The following PDE6C variants were observed in gnomAD, a reference collection of about 807,000 sequenced individuals.
PDE6C encodes phosphodiesterase 6C, also known as cone cGMP-specific 3',5'-cyclic phosphodiesterase subunit alpha'.
Under a neutral mutation model 113.1 loss-of-function variants are expected in PDE6C, and 75 were observed. The observed-to-expected ratio is 0.66, with a 90% CI of 0.55 to 0.80. PDE6C has a LOEUF of 0.80. Ranked by LOEUF, PDE6C falls within the 30% of genes least tolerant of loss-of-function variation. The probability of loss-of-function intolerance (pLI) is 0.00; values close to 1 mark genes in which losing one functional copy is unlikely to be tolerated. For synonymous variants in PDE6C, 375 were observed against 363.7 expected (o/e 1.03, Z -0.35); for missense variants, 912 against 1,038.6 (o/e 0.88, Z 1.67).
rs1260039852 is a variant in PDE6C, at chr10:93,629,311, T to C, written c.1119+6T>C. 14 of 1,604,564 alleles carry C rather than the reference T, an allele frequency of 8.7e-6. No individual in the cohort carries two copies. Among genetic ancestry groups the C allele is most frequent in the Non-Finnish European group, 8.5e-7 (1 of 1,171,454 alleles). On this transcript the variant is annotated splice_donor_region_variant and intron_variant, in intron 8 of 21. Coordinates refer to ENST00000371447, the MANE Select transcript of PDE6C (RefSeq NM_006204.4). Reference sequence around the variant, plus strand: ...ATGAATACTTCACATTTCAGGTAACTGCACTCTGGGTCAGACCTCACCTCT... The same window carrying C: ...ATGAATACTTCACATTTCAGGTAACCGCACTCTGGGTCAGACCTCACCTCT...
chr10:93,639,550 A>G (rs923562238), intron 11 of PDE6C, among the ~76,000 whole-genome samples: 2 of 152,212 alleles, frequency 1.3e-5, no homozygotes, highest in African/African-American at 2.4e-5. Flanking sequence ...GAGCACCTTC[A>G]TGGGACAGGA....
At chr10:93,644,162 T>C (rs910517406) in intron 14 of PDE6C, among the ~76,000 whole-genome samples, 1 of 152,212 alleles carries the variant, frequency 6.6e-6, no homozygotes, top group Non-Finnish European at 1.5e-5. Context: ...GATGATGCTG[T>C]GTCCTTCTCA....
chr10:93,665,230 C>T, intron 21 of PDE6C, 130 bp from the exon 22 acceptor site: 1 of 776,810 alleles, frequency 1.3e-6, no homozygotes, highest in Non-Finnish European at 2.3e-6. Flanking sequence ...CATGGTCAAA[C>T]CCACAGTACT....
At chr10:93,658,834 G>A (rs1352547242) in intron 16 of PDE6C, 67 bp from the exon 17 acceptor site, 12 of 940,112 alleles carry the variant, frequency 1.3e-5, no homozygotes, top group Non-Finnish European at 2.1e-5. Context: ...TGAAAAGCAT[G>A]TATTTAAGAT....
chr10:93,613,451 A>G (rs1195648707), intron 1 of PDE6C, among the ~76,000 whole-genome samples: 1 of 152,224 alleles, frequency 6.6e-6, no homozygotes, highest in Non-Finnish European at 1.5e-5. Context: ...AGTATGTCCC[A>G]TGTAAAGTTT....
chr10:93,633,719 G>C (rs1390947300), intron 8 of PDE6C, among the ~76,000 whole-genome samples: 1 of 152,102 alleles, frequency 6.6e-6, no homozygotes, highest in African/African-American at 2.4e-5. Flanking sequence ...CTATCTTCAT[G>C]GATCAGTCAG....
rs1430794896 is a variant in PDE6C, at chr10:93,620,773, C to G, written c.622C>G (p.Gln208Glu). Residue 208 changes from glutamine to glutamate, a missense_variant, in exon 2 of 22, where the codon CAG becomes GAG. Gln to Glu is a conservative substitution (Grantham distance 29, BLOSUM62 2). Coordinates refer to ENST00000371447, the MANE Select transcript of PDE6C (RefSeq NM_006204.4). ...AGTAAATGCATCTGAATTTTCCAAA[C>G]AGGATGAAGAGGTAATGCTAACCCT... is the stretch of plus-strand genomic sequence containing the variant. ...NKVNASEFSK[Q>E]DEEVFSKYLN... is the part of the protein sequence containing the mutation. 1 of 1,614,028 alleles carries G rather than the reference C, an allele frequency of 6.2e-7. No individual in the cohort carries two copies. Among genetic ancestry groups the G allele is most frequent in the Non-Finnish European group, 8.5e-7 (1 of 1,180,036 alleles).
At chr10:93,646,126 G>T (rs890900024) in intron 15 of PDE6C, 79 bp downstream of exon 15, 13 of 869,160 alleles carry the variant, frequency 1.5e-5, no homozygotes, top group Middle Eastern at 2.2e-4. Flanking sequence ...CTTGGAAAAA[G>T]GGTGGCCTTG....
chr10:93,642,809 C>T (rs1266565901), intron 14 of PDE6C, among the ~76,000 whole-genome samples: 1 of 152,200 alleles, frequency 6.6e-6, no homozygotes, highest in Non-Finnish European at 1.5e-5. Context: ...GCGAAAAGCA[C>T]TTTGTAAGCA....
At chr10:93,629,579 T>C (rs1252081040) in intron 8 of PDE6C, among the ~76,000 whole-genome samples, 3 of 152,214 alleles carry the variant, frequency 2.0e-5, no homozygotes, top group Admixed American at 6.5e-5. Context: ...CCCAACCTTT[T>C]TGGCACCAGG....
In PDE6C at chr10:93,630,442, C is replaced by T. The variant is rs183174011; in HGVS notation, c.1119+1137C>T. Among the ~76,000 whole-genome samples the T allele has an allele frequency of 3.3e-5, 5 of 151,454 alleles. No homozygotes were observed. The East Asian group carries it at 9.8e-4, about 30-fold the overall frequency. On this transcript the variant is annotated intron_variant, in intron 8 of 21. Transcript: ENST00000371447. ...GCCACTCCCTTCTCTACCTGCCCAT[C>T]CCTCCTCACCTGTCATCTCTGCCAC... is the stretch of plus-strand genomic sequence containing the variant.
chr10:93,624,194 C>T (rs946767395), intron 4 of PDE6C, among the ~76,000 whole-genome samples: 1 of 151,984 alleles, frequency 6.6e-6, no homozygotes, highest in African/African-American at 2.4e-5. Context: ...TCTGTTGCTA[C>T]CCTTCTAGTT....
intron 8 of PDE6C, among the ~76,000 whole-genome samples, chr10:93,633,214 C>T (rs1313325449): frequency 1.3e-5 from 2 of 152,232 alleles, no homozygotes; most frequent in East Asian, 1.9e-4. Context: ...GCCTGTAATC[C>T]CAGCAGTTTG....
At chr10:93,644,901 G>GTATATTTATATAGTATATATAGTA (rs2058577106) in intron 14 of PDE6C, among the ~76,000 whole-genome samples, 2 of 145,404 alleles carry the variant, frequency 1.4e-5, no homozygotes, top group Non-Finnish European at 3.0e-5. Context: ...AGTATATATA[G>GTATATTTATATAGTATATATAGTA]TATATATACA....
chr10:93,626,114 C>T (rs2058471961), intron 5 of PDE6C, among the ~76,000 whole-genome samples: 1 of 152,102 alleles, frequency 6.6e-6, no homozygotes, highest in African/African-American at 2.4e-5. Flanking sequence ...CATCATCTGC[C>T]CCATGAAACA....
Position 93,612,886 on chromosome 10 carries a change from C to T in PDE6C, c.161C>T (p.Thr54Ile), listed in dbSNP as rs535099102. 1.9e-6 allele frequency: 3 copies of T among 1,614,088 alleles called. No individual in the cohort carries two copies. The Admixed American group carries it at 5.0e-5, about 27-fold the overall frequency. Reference sequence around the variant, plus strand: ...TCCAGCATGTCCTTCTCTGAGCTGACCCAGGTGGAGGAGTCAGCCCTGTGC... The same window carrying T: ...TCCAGCATGTCCTTCTCTGAGCTGATCCAGGTGGAGGAGTCAGCCCTGTGC... ...VQSSMSFSEL[T>I]QVEESALCLE... Residue 54 changes from threonine (T) to isoleucine (I), a missense_variant, in exon 1 of 22, where the codon ACC becomes ATC. Physicochemically the swap from Thr to Ile is moderately conservative, Grantham distance 89. Coordinates refer to ENST00000371447, the MANE Select transcript of PDE6C (RefSeq NM_006204.4).
intron 14 of PDE6C, among the ~76,000 whole-genome samples, chr10:93,642,452 C>T (rs1234884848): frequency 5.3e-5 from 8 of 152,146 alleles, no homozygotes; most frequent in Admixed American, 5.2e-4. Flanking sequence ...ACCAGTATTG[C>T]TCATGGCCAG....
At chr10:93,655,919 T>C in intron 16 of PDE6C, 59 bp downstream of exon 16, 1 of 872,336 alleles carries the variant, frequency 1.1e-6, no homozygotes, top group South Asian at 1.3e-5. Flanking sequence ...TTACCTTCCA[T>C]AAATTATCTG....
In PDE6C at chr10:93,635,574, G is replaced by C. The variant is rs2058524641; in HGVS notation, c.1347G>C (p.Lys449Asn). 2 of 1,613,626 alleles carry C rather than the reference G, an allele frequency of 1.2e-6. No individual in the cohort carries two copies. The highest frequency in any genetic ancestry group is 2.7e-5 in the African/African-American group (2 of 75,000). Reference protein sequence around the residue: ...YDKMNKLENRKDIAQEMLMNQ... With the variant: ...YDKMNKLENRNDIAQEMLMNQ... ...AGATGAATAAGCTAGAAAACAGAAA[G>C]GACATTGCTCAGGAAATGCTCATGA... The change falls in exon 10 of 22, where the codon AAG (lysine) becomes AAC (asparagine). Residue 449 changes from lysine to asparagine, a missense_variant. Physicochemically the swap from Lys to Asn is moderately conservative, Grantham distance 94 (BLOSUM62 0). Coordinates refer to ENST00000371447, the MANE Select transcript of PDE6C (RefSeq NM_006204.4).
Sources: allele counts gnomAD v4.1 joint callset (sites outside exome capture counted in the v4.1 genomes callset), GRCh38; gene constraint gnomAD v4.1.1; transcripts MANE v1.5; gene names NCBI Gene and HGNC (gene_info 2026-07-23, HGNC 2026-07-21).